Variants in PCDH15 observed in about 807,000 individuals in gnomAD.
PCDH15 encodes the protein protocadherin-15.
PCDH15 carries 129 observed loss-of-function variants against 178.5 expected under a neutral mutation model. That is an observed-to-expected ratio of 0.72 (90% CI 0.63 to 0.84). PCDH15 has a LOEUF of 0.84. Among genes scored for constraint, PCDH15 ranks in the 40% least tolerant of loss-of-function variants. The probability of loss-of-function intolerance (pLI) is 0.00; values close to 1 mark genes in which losing one functional copy is unlikely to be tolerated. For missense variants in PCDH15, 2,230 were observed against 2,099.9 expected (o/e 1.06, Z -1.21); for synonymous variants, 800 against 732.0 (o/e 1.09, Z -1.50).
chr10:55,497,687 C>T (rs1840565901), intron 2 of PCDH15, among the ~76,000 whole-genome samples: 1 of 151,790 alleles, frequency 6.6e-6, no homozygotes, highest in Admixed American at 6.6e-5. Context: ...GAATGCTCAA[C>T]CAAAGTTATT....
intron 3 of PCDH15, among the ~76,000 whole-genome samples, chr10:54,853,226 C>T (rs1953660112): frequency 6.7e-6 from 1 of 149,388 alleles, no homozygotes; most frequent in African/African-American, 2.5e-5. Flanking sequence ...CACCATTGCA[C>T]TCCAGCCTGG....
intron 23 of PCDH15, among the ~76,000 whole-genome samples, chr10:53,943,044 C>T (rs967291467): frequency 6.6e-6 from 1 of 152,050 alleles, no homozygotes; most frequent in Non-Finnish European, 1.5e-5. Context: ...TGGAAGTAGA[C>T]ATTACTTAAA....
At chr10:54,157,589 C>A (rs1028340570) in intron 13 of PCDH15, among the ~76,000 whole-genome samples, 1 of 152,162 alleles carries the variant, frequency 6.6e-6, no homozygotes, top group Non-Finnish European at 1.5e-5. Flanking sequence ...CTCTGACATG[C>A]CCTGGAGATA....
At chr10:55,501,972 T>C (rs1840666600) in intron 2 of PCDH15, among the ~76,000 whole-genome samples, 2 of 151,788 alleles carry the variant, frequency 1.3e-5, no homozygotes, top group Non-Finnish European at 2.9e-5. Flanking sequence ...TAAAAATGTT[T>C]TTTTTCTTAT....
chr10:54,478,818 CTG>C (rs1413503633), intron 3 of PCDH15, among the ~76,000 whole-genome samples: 1 of 151,952 alleles, frequency 6.6e-6, no homozygotes, highest in Non-Finnish European at 1.5e-5. Context: ...TAAAAAAAAT[CTG>C]TGCAAATGGC....
intron 7 of PCDH15, 59 bp downstream of exon 7, chr10:54,329,537 G>T: frequency 1.6e-6 from 2 of 1,243,684 alleles, no homozygotes; most frequent in Non-Finnish European, 2.4e-6. Flanking sequence ...GATACATTTT[G>T]GATGAGTTTT....
intron 3 of PCDH15, among the ~76,000 whole-genome samples, chr10:54,878,068 T>A (rs1954185004): frequency 6.7e-6 from 1 of 149,212 alleles, no homozygotes; most frequent in African/African-American, 2.5e-5. Flanking sequence ...GTTGAAGCCA[T>A]CCTCCTTCCT....
At chr10:53,945,985 C>T (rs530638269) in intron 23 of PCDH15, among the ~76,000 whole-genome samples, 1 of 151,176 alleles carries the variant, frequency 6.6e-6, no homozygotes, top group African/African-American at 2.4e-5. Context: ...ATATCTCTTC[C>T]ACCAATAGCC....
At chr10:54,564,310 T>C (rs1249333952) in intron 2 of PCDH15, among the ~76,000 whole-genome samples, 2 of 152,160 alleles carry the variant, frequency 1.3e-5, no homozygotes, top group Non-Finnish European at 2.9e-5. Flanking sequence ...AAGGTGGAGT[T>C]TGCAATATTT....
intron 1 of PCDH15, among the ~76,000 whole-genome samples, chr10:54,716,842 C>G (rs1256521113): frequency 3.4e-5 from 5 of 148,836 alleles, no homozygotes; most frequent in African/African-American, 7.5e-5. Flanking sequence ...AGGCATCACG[C>G]TACCTGACTT....
At chr10:54,927,170 T>C (rs1355618075) in intron 2 of PCDH15, among the ~76,000 whole-genome samples, 1 of 152,122 alleles carries the variant, frequency 6.6e-6, no homozygotes. Flanking sequence ...AAGAACTTCT[T>C]GATTTCTGAC....
intron 2 of PCDH15, among the ~76,000 whole-genome samples, chr10:55,521,659 T>G (rs1478488704): frequency 6.6e-6 from 1 of 151,998 alleles, no homozygotes; most frequent in South Asian, 2.1e-4. Flanking sequence ...GCAGTGAACA[T>G]GGGCGTGCAG....
intron 32 of PCDH15, chr10:53,822,334 G>A: frequency 6.3e-7 from 1 of 1,596,266 alleles, no homozygotes; most frequent in Non-Finnish European, 8.5e-7. Flanking sequence ...GAAACGGAAA[G>A]TGGAAAAAAT....
intron 2 of PCDH15, among the ~76,000 whole-genome samples, chr10:55,046,070 CCTCT>C (rs1415307258): frequency 2.0e-5 from 3 of 152,016 alleles, no homozygotes; most frequent in South Asian, 4.1e-4. Context: ...CTGTTTACTC[CCTCT>C]CTATGTACTA....
intron 13 of PCDH15, among the ~76,000 whole-genome samples, chr10:54,172,288 C>G (rs903985205): frequency 6.6e-6 from 1 of 151,958 alleles, no homozygotes; most frequent in African/African-American, 2.4e-5. Flanking sequence ...GAAACACCCC[C>G]ACTGAGCACC....
chr10:54,564,683 AGAG>A (rs1565610135), intron 2 of PCDH15, among the ~76,000 whole-genome samples: 1 of 152,120 alleles, frequency 6.6e-6, no homozygotes, highest in Non-Finnish European at 1.5e-5. Context: ...AATATAACTC[AGAG>A]AAATATTCCC....
intron 1 of PCDH15, among the ~76,000 whole-genome samples, chr10:55,304,008 C>A (rs1273968022): frequency 6.6e-6 from 1 of 152,100 alleles, no homozygotes; most frequent in Non-Finnish European, 1.5e-5. Flanking sequence ...TTCCTCTCTT[C>A]AAATGTATGT....
In PCDH15 at chr10:55,183,747, G is replaced by C. The variant is rs111634643; in HGVS notation, c.-155-17096C>G. The stretch of plus-strand genomic sequence containing the variant: ...AATGCCTCCAGCAGAATGTAATTTG[G>C]TTAAGACATTATTGGTAATGCTGTA... On this transcript the variant is annotated intron_variant, in intron 1 of 5. Transcript: ENST00000458638. Among the ~76,000 whole-genome samples the C allele has an allele frequency of 5.1e-3, 775 of 151,880 alleles. 11 individuals are homozygous for C. The highest frequency in any genetic ancestry group is 0.018 in the African/African-American group (731 of 41,450).
chr10:53,922,315 ACCT>A (rs78868483), intron 25 of PCDH15, among the ~76,000 whole-genome samples: 24,838 of 152,080 alleles, frequency 0.16, 2,915 homozygotes, highest in East Asian at 0.62. Flanking sequence ...AATAAAAAAT[ACCT>A]TTTTATAGAG....
Sources: gnomAD v4.1 joint callset for allele counts (sites outside exome capture counted in the v4.1 genomes callset) on GRCh38, gnomAD v4.1.1 for gene constraint, MANE v1.5 for transcripts, NCBI Gene and HGNC (gene_info 2026-07-23, HGNC 2026-07-21) for gene names.